The following PHACTR2 variants were observed in gnomAD, a reference collection of about 807,000 sequenced individuals.
The protein encoded by PHACTR2 is phosphatase and actin regulator 2.
PHACTR2 carries 30 observed loss-of-function variants against 76.0 expected under a neutral mutation model. That is an observed-to-expected ratio of 0.39 (90% CI 0.30 to 0.54). The LOEUF is 0.54. Ranked by LOEUF, PHACTR2 falls within the 20% of genes least tolerant of loss-of-function variation. The pLI is 0.61. For synonymous variants in PHACTR2, 292 were observed against 292.5 expected, an observed-to-expected ratio of 1.00 and a Z score of 0.02; for missense variants, 696 against 781.1, an observed-to-expected ratio of 0.89 and a Z score of 1.30.
chr6:143,741,871 G>A (rs1778951735), intron 2 of PHACTR2, among the ~76,000 whole-genome samples: 1 of 152,118 alleles, frequency 6.6e-6, no homozygotes, highest in South Asian at 2.1e-4. Context: ...GGAGGCTCAG[G>A]CAGGCGGATC....
chr6:143,719,598 C>T (rs1379864975), intron 2 of PHACTR2, among the ~76,000 whole-genome samples: 1 of 150,084 alleles, frequency 6.7e-6, no homozygotes, highest in African/African-American at 2.5e-5. Context: ...GATCCACCTG[C>T]CTCGGCCTCC....
At position 143,800,305 on chromosome 6, in the gene PHACTR2, AG is replaced by A. The variant is rs1178825083; in HGVS notation, c.1846-6750del. 6.6e-6 allele frequency among the ~76,000 whole-genome samples: 1 copy of A among 151,910 alleles called. No individual in the cohort carries two copies. Among genetic ancestry groups the A allele is most frequent in the Non-Finnish European group, 1.5e-5 (1 of 67,992 alleles). ...GAGACCGAGTCTGGCTCTGTTGCCC[AG>A]GCTGGAGTGCAGTGGTGCAATCTCC... On this transcript the variant is annotated intron_variant, in intron 11 of 12. Transcript: ENST00000440869. The surrounding 1 kb of genome is among the most constrained non-coding windows in gnomAD (Gnocchi z 4.8).
chr6:143,708,530 T>G lies in PHACTR2; in HGVS notation c.47-3486T>G, dbSNP rs141422437. On this transcript the variant is annotated intron_variant, in intron 1 of 12. Coordinates refer to ENST00000440869, the MANE Select transcript of PHACTR2 (RefSeq NM_001100164.2). This position sits in a 1 kb window ranked among gnomAD's most constrained non-coding sequence, Gnocchi z 5.5. Reference sequence around the variant, plus strand: ...CAGTTTGTTCTTATCTGCATGTAAATGCAAAATTCACCAGACTTACTGTGA... The same window carrying G: ...CAGTTTGTTCTTATCTGCATGTAAAGGCAAAATTCACCAGACTTACTGTGA... Among the ~76,000 whole-genome samples the G allele has an allele frequency of 2.6e-5, 4 of 152,338 alleles. No homozygotes were observed. The highest frequency in any genetic ancestry group is 9.6e-5 in the African/African-American group (4 of 41,578).
At chr6:143,579,421 A>AAAC (rs552644273) in intron 1 of PHACTR2, among the ~76,000 whole-genome samples, 107 of 152,264 alleles carry the variant, frequency 7.0e-4, no homozygotes, top group African/African-American at 2.5e-3. Flanking sequence ...GTAGAAAACA[A>AAAC]AACAACAACA....
chr6:143,630,514 T>C (rs1337357675), intron 1 of PHACTR2, among the ~76,000 whole-genome samples: 1 of 152,172 alleles, frequency 6.6e-6, no homozygotes, highest in Non-Finnish European at 1.5e-5. Context: ...ATTGACTCAG[T>C]AAACAACTAT....
At position 143,789,145 on chromosome 6, in the gene PHACTR2, A is replaced by T. The variant is rs1358999231; in HGVS notation, c.1845+235A>T. Reference sequence around the variant, plus strand: ...TACCATATAACCTACCTGCTTTCATACCTGGATGAGGAGGGCTTTCTCACA... The same window carrying T: ...TACCATATAACCTACCTGCTTTCATTCCTGGATGAGGAGGGCTTTCTCACA... On this transcript the variant is annotated intron_variant, in intron 11 of 12. Coordinates refer to ENST00000440869, the MANE Select transcript of PHACTR2 (RefSeq NM_001100164.2). This position sits in a 1 kb window ranked among gnomAD's most constrained non-coding sequence, Gnocchi z 5.1. The T allele has an allele frequency of 8.4e-6, 3 of 355,100 alleles. No homozygotes were observed. Among genetic ancestry groups the T allele is most frequent in the Non-Finnish European group, 1.6e-5 (3 of 193,426 alleles). 22.0% of individuals were successfully genotyped at this position (355,100 alleles called of 1,614,324 possible). A position where few individuals can be genotyped will look rare whatever the true frequency, so the allele number is the denominator to read the frequency against.
At chr6:143,691,456 G>A (rs1777642432) in intron 1 of PHACTR2, among the ~76,000 whole-genome samples, 1 of 152,016 alleles carries the variant, frequency 6.6e-6, no homozygotes, top group East Asian at 1.9e-4. Flanking sequence ...TTGTCAAGTA[G>A]AATGTTGAGA....
At chr6:143,670,170 C>T (rs1019423291) in intron 1 of PHACTR2, among the ~76,000 whole-genome samples, 2 of 152,202 alleles carry the variant, frequency 1.3e-5, no homozygotes, top group African/African-American at 4.8e-5. Flanking sequence ...GAATATTGGC[C>T]CCCACTGTCC....
At chr6:143,805,251 G>A (rs1776038195) in intron 11 of PHACTR2, among the ~76,000 whole-genome samples, 2 of 151,908 alleles carry the variant, frequency 1.3e-5, no homozygotes, top group Non-Finnish European at 1.5e-5. Flanking sequence ...AGGCCGAGGC[G>A]GGCGGATCAC....
chr6:143,540,015 C>T (rs111393194), intron 1 of PHACTR2, among the ~76,000 whole-genome samples: 2 of 152,000 alleles, frequency 1.3e-5, no homozygotes, highest in South Asian at 4.1e-4. Context: ...TATTATGTCA[C>T]CCTGGCTTGC....
At position 143,783,005 on chromosome 6, in the gene PHACTR2, ATGTGTG is replaced by A. The variant is rs144077213; in HGVS notation, c.1646-188_1646-183del. ...AGCAAACCAGTCCTACAAAAAAAGC[ATGTGTG>A]TGTGTGTGTGTGTGTGTGTGTGTGT... On this transcript the variant is annotated intron_variant, in intron 9 of 12. Coordinates refer to ENST00000440869, the MANE Select transcript of PHACTR2 (RefSeq NM_001100164.2). The surrounding 1 kb of genome is among the most constrained non-coding windows in gnomAD (Gnocchi z 5.2). Among the ~76,000 whole-genome samples the A allele has an allele frequency of 4.1e-5, 6 of 146,238 alleles. No individual in the cohort carries two copies. The highest frequency in any genetic ancestry group is 2.1e-4 in the Admixed American group (3 of 14,622).
At position 143,689,973 on chromosome 6, in the gene PHACTR2, C is replaced by A. The variant is rs955958360; in HGVS notation, c.46+11764C>A. Among the ~76,000 whole-genome samples the A allele has an allele frequency of 6.6e-6, 1 of 152,156 alleles. No individual in the cohort carries two copies. The highest frequency in any genetic ancestry group is 1.5e-5 in the Non-Finnish European group (1 of 68,016). ...TCAGCTCCCAAAATGCTGGGATTAC[C>A]CGTGTGAGCCACTGTGCCCAGCCCC... On this transcript the variant is annotated intron_variant, in intron 1 of 12. Coordinates refer to ENST00000440869, the MANE Select transcript of PHACTR2 (RefSeq NM_001100164.2). The surrounding 1 kb of genome is among the most constrained non-coding windows in gnomAD (Gnocchi z 4.4).
In PHACTR2 at chr6:143,678,342, A is replaced by G; in HGVS notation, c.46+133A>G. The G allele has an allele frequency of 2.6e-6, 2 of 769,502 alleles. No homozygotes were observed. The highest frequency in any genetic ancestry group is 3.7e-6 in the Non-Finnish European group (2 of 533,924). The allele number at this position is 769,502 out of a possible 1,614,324, so 47.7% of individuals were successfully genotyped here. Reference sequence around the variant, plus strand: ...GCCAAGTCCCTCGGAGAAACCCCAGAGGTAGCGCTCGCCAAACTCTTTGTC... The same window carrying G: ...GCCAAGTCCCTCGGAGAAACCCCAGGGGTAGCGCTCGCCAAACTCTTTGTC... On this transcript the variant is annotated intron_variant, in intron 1 of 12. Coordinates refer to ENST00000440869, the MANE Select transcript of PHACTR2 (RefSeq NM_001100164.2). This position sits in a 1 kb window ranked among gnomAD's most constrained non-coding sequence, Gnocchi z 6.2.
intron 1 of PHACTR2, among the ~76,000 whole-genome samples, chr6:143,669,085 T>C (rs111936507): frequency 6.6e-6 from 1 of 152,222 alleles, no homozygotes; most frequent in Non-Finnish European, 1.5e-5. Flanking sequence ...TTTTTCTCAT[T>C]GGTTTCAAAT....
chr6:143,651,400 T>C (rs1776761646), intron 1 of PHACTR2, among the ~76,000 whole-genome samples: 1 of 152,156 alleles, frequency 6.6e-6, no homozygotes, highest in Non-Finnish European at 1.5e-5. Context: ...TGTATGTTCA[T>C]TGCAACACTA....
rs1172724694 is a variant in PHACTR2, at chr6:143,784,820, C to A, written c.1707+1540C>A. 1.3e-5 allele frequency among the ~76,000 whole-genome samples: 2 copies of A among 152,086 alleles called. No homozygotes were observed. On this transcript the variant is annotated intron_variant, in intron 10 of 12. Coordinates refer to ENST00000440869, the MANE Select transcript of PHACTR2 (RefSeq NM_001100164.2). This position sits in a 1 kb window ranked among gnomAD's most constrained non-coding sequence, Gnocchi z 4.5. ...TGAGGAGGGGAAGCAAAACTGGAAA[C>A]CCCTGATAAACACATCAGATCTTGT...
chr6:143,541,956 A>C lies in PHACTR2; in HGVS notation c.217+4749A>C, dbSNP rs1389244801. The stretch of plus-strand genomic sequence containing the variant: ...GCTTCTGAGCCCCAGCCACGAGCTA[A>C]GCTGGAGGTGCCCTAGGCCAGGAAC... On this transcript the variant is annotated intron_variant, in intron 1 of 11. Coordinates refer to the PHACTR2 transcript ENST00000367584. The surrounding 1 kb of genome is among the most constrained non-coding windows in gnomAD (Gnocchi z 5.3). 2.0e-5 allele frequency among the ~76,000 whole-genome samples: 3 copies of C among 152,228 alleles called. No homozygotes were observed. The highest frequency in any genetic ancestry group is 2.0e-4 in the Admixed American group (3 of 15,290).
chr6:143,729,284 T>C (rs1367608619), intron 2 of PHACTR2, among the ~76,000 whole-genome samples: 4 of 152,186 alleles, frequency 2.6e-5, no homozygotes, highest in Non-Finnish European at 4.4e-5. Flanking sequence ...TTTCTCCCAC[T>C]CTGTAGATTG....
Position 143,777,568 on chromosome 6 carries a change from T to A in PHACTR2, c.1645+185T>A, listed in dbSNP as rs1315070052. Among the ~76,000 whole-genome samples the A allele has an allele frequency of 6.6e-6, 1 of 152,196 alleles. No individual in the cohort carries two copies. Among genetic ancestry groups the A allele is most frequent in the Admixed American group, 6.5e-5 (1 of 15,274 alleles). ...TTTTTTAATTTCTTGAATTTGATAT[T>A]TGATTTTATGGCTTTGAGCCTTATA... On this transcript the variant is annotated intron_variant, in intron 9 of 12. Transcript: ENST00000440869. This position sits in a 1 kb window ranked among gnomAD's most constrained non-coding sequence, Gnocchi z 4.6.
Sources: allele counts gnomAD v4.1 joint callset (sites outside exome capture counted in the v4.1 genomes callset), GRCh38; gene constraint gnomAD v4.1.1; non-coding constraint Gnocchi (gnomAD v3.1); transcripts MANE v1.5; gene names NCBI Gene and HGNC (gene_info 2026-07-23, HGNC 2026-07-21).